DPP10: variants seen among roughly 807,000 people sequenced by gnomAD.
The protein encoded by DPP10 is inactive dipeptidyl peptidase 10.
A neutral mutation model predicts 120.9 loss-of-function variants in DPP10; 33 were observed. That is an observed-to-expected ratio of 0.27 (90% CI 0.21 to 0.37). The LOEUF is 0.37. Among genes scored for constraint, DPP10 ranks in the 10% least tolerant of loss-of-function variants. The probability of loss-of-function intolerance (pLI) is 1.00; values close to 1 mark genes in which losing one functional copy is unlikely to be tolerated. For missense variants in DPP10, 816 were observed against 942.8 expected (o/e 0.87, Z 1.76); for synonymous variants, 337 against 326.1 (o/e 1.03, Z -0.36).
chr2:114,835,771 T>C (rs900766939), intron 1 of DPP10, among the ~76,000 whole-genome samples: 2 of 152,216 alleles, frequency 1.3e-5, no homozygotes, highest in African/African-American at 2.4e-5. Flanking sequence ...CAGTAAGTTA[T>C]TGAACTTTAA....
At chr2:115,065,679 C>T (rs1047981297) in intron 1 of DPP10, 1 of 151,784 alleles carries the variant, frequency 6.6e-6, no homozygotes, top group Non-Finnish European at 1.5e-5. Flanking sequence ...GCACACCTCC[C>T]CCCCCAATTC....
At chr2:115,724,469 T>G (rs561200370) in intron 7 of DPP10, among the ~76,000 whole-genome samples, 1 of 152,350 alleles carries the variant, frequency 6.6e-6, no homozygotes, top group African/African-American at 2.4e-5. Context: ...TTGAAACATT[T>G]ATGACATATT....
intron 5 of DPP10, among the ~76,000 whole-genome samples, chr2:115,640,654 T>G (rs1401172124): frequency 6.6e-6 from 1 of 152,188 alleles, no homozygotes; most frequent in African/African-American, 2.4e-5. Flanking sequence ...AGATCGCAGC[T>G]GTAAAGATAA....
rs768361294 is a variant in DPP10, at chr2:115,643,692, A to AC, written c.442-45994dup. Among the ~76,000 whole-genome samples, 4 of 152,314 alleles carry AC rather than the reference A, an allele frequency of 2.6e-5. No individual in the cohort carries two copies. In the South Asian group the frequency reaches 8.3e-4, roughly 32 times the overall value. On this transcript the variant is annotated intron_variant, in intron 5 of 25. Transcript: ENST00000410059. ...CTGCAAATGTTGCTAGATTCATCAT[A>AC]CTTTTAGAAAGCTGATTACAAGGTT...
chr2:115,440,154 T>G (rs997525987), intron 3 of DPP10, among the ~76,000 whole-genome samples: 1 of 151,904 alleles, frequency 6.6e-6, no homozygotes, highest in Non-Finnish European at 1.5e-5. Context: ...TATGTGTGTG[T>G]GCGTGTGTGT....
chr2:114,442,822 C>A lies in DPP10; in HGVS notation c.44C>A (p.Pro15His). ...GTGTCCCATCACATCAAGTGTCAAC[C>A]CTCAAAAACAATCAAGGTAGGATCT... is the stretch of plus-strand genomic sequence containing the variant. ...ASVSHHIKCQ[P>H]SKTIKELGSN... The change falls in exon 1 of 26, where the codon CCC (proline) becomes CAC (histidine). Residue 15 changes from proline (P) to histidine (H), a missense_variant. By Grantham distance (77) the Pro-to-His change is moderately conservative (BLOSUM62 -2). Around this residue, in one of 3 missense-constraint regions of DPP10, gnomAD observed 182 missense variants for 207.4 expected, o/e 0.88. Coordinates refer to ENST00000410059, the MANE Select transcript of DPP10 (RefSeq NM_020868.6). 3 of 1,613,366 alleles carry A rather than the reference C, an allele frequency of 1.9e-6. No homozygotes were observed. The highest frequency in any genetic ancestry group is 2.2e-5 in the East Asian group (1 of 44,830).
intron 2 of DPP10, among the ~76,000 whole-genome samples, chr2:115,322,469 C>T (rs1232449390): frequency 6.6e-6 from 1 of 152,134 alleles, no homozygotes; most frequent in Non-Finnish European, 1.5e-5. Context: ...TTCAGGTTAG[C>T]TCTGTGTTTC....
chr2:115,375,038 G>T (rs1254442692), intron 3 of DPP10, among the ~76,000 whole-genome samples: 1 of 152,202 alleles, frequency 6.6e-6, no homozygotes, highest in Non-Finnish European at 1.5e-5. Context: ...AAGTTCTGCA[G>T]GTAGCTTGAA....
At chr2:114,793,444 A>G (rs1252064618) in intron 1 of DPP10, among the ~76,000 whole-genome samples, 1 of 152,146 alleles carries the variant, frequency 6.6e-6, no homozygotes, top group Non-Finnish European at 1.5e-5. Context: ...GATGGTTTCC[A>G]GTTACATCCA....
At chr2:114,462,350 C>G (rs368626632) in intron 1 of DPP10, among the ~76,000 whole-genome samples, 2 of 152,154 alleles carry the variant, frequency 1.3e-5, no homozygotes, top group Non-Finnish European at 2.9e-5. Flanking sequence ...TACTTTTCCC[C>G]TAACCTCCTG....
chr2:115,662,217 A>G (rs936932537), intron 5 of DPP10, among the ~76,000 whole-genome samples: 2 of 152,158 alleles, frequency 1.3e-5, no homozygotes, highest in Non-Finnish European at 2.9e-5. Flanking sequence ...TTAAAAATTA[A>G]CATTTTGTTG....
At chr2:115,511,351 TG>T (rs925242449) in intron 4 of DPP10, among the ~76,000 whole-genome samples, 4 of 152,230 alleles carry the variant, frequency 2.6e-5, no homozygotes, top group East Asian at 1.9e-4. Flanking sequence ...TAACTGAATT[TG>T]TTGATAAGCA....
rs546145257 is a variant in DPP10, at chr2:114,915,110, G to C, written c.61-394129G>C. Among the ~76,000 whole-genome samples the C allele has an allele frequency of 2.0e-5, 3 of 147,752 alleles. No individual in the cohort carries two copies. In the Admixed American group the frequency reaches 2.0e-4, roughly 10 times the overall value. Reference sequence around the variant, plus strand: ...CCCGCCACTGCACCCCAGCCTGGGCGACAGAACGAGACTCCGTCTCAAAAA... The same window carrying C: ...CCCGCCACTGCACCCCAGCCTGGGCCACAGAACGAGACTCCGTCTCAAAAA... On this transcript the variant is annotated intron_variant, in intron 1 of 25. Coordinates refer to ENST00000410059, the MANE Select transcript of DPP10 (RefSeq NM_020868.6).
intron 21 of DPP10, among the ~76,000 whole-genome samples, chr2:115,816,109 G>T (rs1687199232): frequency 6.6e-6 from 1 of 152,002 alleles, no homozygotes; most frequent in Non-Finnish European, 1.5e-5. Context: ...TTGGCACCTG[G>T]TGTCAGAAGT....
chr2:115,605,641 C>A (rs1224288425), intron 5 of DPP10, among the ~76,000 whole-genome samples: 2 of 152,012 alleles, frequency 1.3e-5, no homozygotes, highest in Admixed American at 6.6e-5. Flanking sequence ...TATTAATTGT[C>A]AGATCATGAC....
At chr2:114,891,289 G>C (rs1021930722) in intron 1 of DPP10, among the ~76,000 whole-genome samples, 3 of 152,104 alleles carry the variant, frequency 2.0e-5, no homozygotes, top group African/African-American at 7.2e-5. Context: ...AGGGAAAAAC[G>C]CACCGTGGGG....
At chr2:114,450,611 A>T (rs1678208318) in intron 1 of DPP10, among the ~76,000 whole-genome samples, 1 of 152,164 alleles carries the variant, frequency 6.6e-6, no homozygotes, top group Non-Finnish European at 1.5e-5. Flanking sequence ...TGAGCTAAGC[A>T]GAACTAAACC....
intron 1 of DPP10, among the ~76,000 whole-genome samples, chr2:115,046,347 A>C (rs932603685): frequency 6.6e-6 from 1 of 152,348 alleles, no homozygotes; most frequent in African/African-American, 2.4e-5. Context: ...ACTCAAAATC[A>C]CACCATTTGA....
At chr2:115,245,208 T>C (rs986825946) in intron 1 of DPP10, among the ~76,000 whole-genome samples, 1 of 152,078 alleles carries the variant, frequency 6.6e-6, no homozygotes, top group Non-Finnish European at 1.5e-5. Flanking sequence ...TATTCTATGG[T>C]GTATATATTC....
Sources: allele counts gnomAD v4.1 joint callset (sites outside exome capture counted in the v4.1 genomes callset), GRCh38; gene constraint gnomAD v4.1.1; regional missense constraint gnomAD v4.1.1; transcripts MANE v1.5; gene names NCBI Gene and HGNC (gene_info 2026-07-23, HGNC 2026-07-21).